The following AP2A2 variants were observed in gnomAD, a reference collection of about 807,000 sequenced individuals.
AP2A2 encodes the protein adaptor related protein complex 2 subunit alpha 2, also known as AP-2 complex subunit alpha-2.
AP2A2 carries 32 observed loss-of-function variants against 104.2 expected under a neutral mutation model. The ratio of observed to expected loss-of-function variants is 0.31; its 90% CI spans 0.23 to 0.41. AP2A2 has a LOEUF of 0.41. Ranked by LOEUF, AP2A2 falls within the 10% of genes least tolerant of loss-of-function variation. The pLI is 1.00. For synonymous variants in AP2A2, 539 were observed against 533.3 expected, an observed-to-expected ratio of 1.01 and a Z score of -0.15; for missense variants, 912 against 1,261.0, an observed-to-expected ratio of 0.72 and a Z score of 4.19.
In AP2A2 at chr11:1,009,923, C is replaced by T. The variant is rs1856363658; in HGVS notation, c.2742+106C>T. On this transcript the variant is annotated intron_variant, in intron 21 of 21. Coordinates refer to ENST00000448903, the MANE Select transcript of AP2A2 (RefSeq NM_012305.4). ...TTTAGTGCAGTTCAGTCAGTTTTGA[C>T]AGATGTTGTTTAACCACCACCCTGT... 11 of 1,388,790 alleles carry T rather than the reference C, an allele frequency of 7.9e-6. No homozygotes were observed. In the South Asian group the frequency reaches 1.3e-4, roughly 16 times the overall value. 86.0% of individuals were successfully genotyped at this position (1,388,790 alleles called of 1,614,324 possible). A position where few individuals can be genotyped will look rare whatever the true frequency, so the allele number is the denominator to read the frequency against.
chr11:991,799 G>T (rs1855665020), intron 10 of AP2A2, among the ~76,000 whole-genome samples: 1 of 152,074 alleles, frequency 6.6e-6, no homozygotes, highest in African/African-American at 2.4e-5. Flanking sequence ...GGGTATTAGG[G>T]GTGCCCTCGG....
At chr11:995,816 T>G (rs534604017) in intron 14 of AP2A2, among the ~76,000 whole-genome samples, 4 of 26,536 alleles carry the variant, frequency 1.5e-4, no homozygotes, top group Admixed American at 9.3e-4. Flanking sequence ...TCTGTGTTGT[T>G]TGTGGCACGC....
At chr11:1,004,380 G>A (rs550518046) in intron 16 of AP2A2, among the ~76,000 whole-genome samples, 4 of 152,270 alleles carry the variant, frequency 2.6e-5, no homozygotes, top group African/African-American at 9.6e-5. Flanking sequence ...GGCTGAGGCA[G>A]GAGAATCACT....
In AP2A2 at chr11:992,749, T is replaced by C; in HGVS notation, c.1452+64T>C. ...GCAGTTGCAGAAGGTGAGCAGTGAG[T>C]GGTTCCAGCCTGCCTGCGTGGAGGT... On this transcript the variant is annotated intron_variant, in intron 11 of 21. Transcript: ENST00000448903. The surrounding 1 kb of genome is among the most constrained non-coding windows in gnomAD (Gnocchi z 6.4). 1 of 1,587,726 alleles carries C rather than the reference T, an allele frequency of 6.3e-7. No individual in the cohort carries two copies. The highest frequency in any genetic ancestry group is 1.3e-5 in the African/African-American group (1 of 74,430).
chr11:928,824 C>A (rs1288012094), intron 1 of AP2A2, among the ~76,000 whole-genome samples: 1 of 152,132 alleles, frequency 6.6e-6, no homozygotes, highest in Non-Finnish European at 1.5e-5. Flanking sequence ...GTTGGATGGC[C>A]TCTCATCAGC....
chr11:955,262 C>T (rs531216443), intron 1 of AP2A2, among the ~76,000 whole-genome samples: 8 of 152,350 alleles, frequency 5.3e-5, no homozygotes, highest in Admixed American at 6.5e-5. Flanking sequence ...CTCACCCATG[C>T]GCAGTCCCAG....
intron 17 of AP2A2, chr11:1,007,756 C>CA: frequency 1.8e-6 from 1 of 568,538 alleles, no homozygotes; most frequent in East Asian, 3.1e-5. Flanking sequence ...AGAGTGAAAA[C>CA]AGACAAGTAG....
chr11:1,005,244 C>T (rs1856166942), intron 16 of AP2A2, among the ~76,000 whole-genome samples: 1 of 152,264 alleles, frequency 6.6e-6, no homozygotes, highest in Non-Finnish European at 1.5e-5. Flanking sequence ...GGCCAGACAC[C>T]TGGACAAATC....
chr11:944,550 TA>T (rs1372874538), intron 1 of AP2A2, among the ~76,000 whole-genome samples: 1 of 151,922 alleles, frequency 6.6e-6, no homozygotes, highest in Non-Finnish European at 1.5e-5. Flanking sequence ...AGATCGAAAA[TA>T]AACACGAAAT....
intron 4 of AP2A2, among the ~76,000 whole-genome samples, chr11:976,016 C>T (rs141540821): frequency 2.6e-5 from 4 of 152,322 alleles, no homozygotes; most frequent in African/African-American, 7.2e-5. Context: ...AGCATGGAAC[C>T]TGGTTGGCTC....
intron 1 of AP2A2, among the ~76,000 whole-genome samples, chr11:952,107 C>T (rs1171452070): frequency 2.0e-5 from 3 of 152,202 alleles, no homozygotes; most frequent in Non-Finnish European, 4.4e-5. Flanking sequence ...GGACTCAAAA[C>T]AGCCCTCCCA....
intron 6 of AP2A2, among the ~76,000 whole-genome samples, chr11:983,391 T>G (rs955624510): frequency 6.6e-6 from 1 of 151,272 alleles, no homozygotes; most frequent in African/African-American, 2.4e-5. Flanking sequence ...TTTATTTATT[T>G]ATTTATTTTG....
At chr11:1,000,743 T>G (rs1856005435) in intron 15 of AP2A2, 145 bp downstream of exon 15, 2 of 918,306 alleles carry the variant, frequency 2.2e-6, no homozygotes. Flanking sequence ...GGAGCTGCTG[T>G]GTTGTGGGTG....
Position 988,674 on chromosome 11 carries a change from C to T in AP2A2, c.1254C>T (p.Ser418=), listed in dbSNP as rs1368490508. 1 of 1,613,576 alleles carries T rather than the reference C, an allele frequency of 6.2e-7. No homozygotes were observed. Among genetic ancestry groups the T allele is most frequent in the Non-Finnish European group, 8.5e-7 (1 of 1,179,904 alleles). ...GCTATCTGGAGACAGCTGACTACTC[C>T]ATCCGAGAAGAGATTGTGAGTTCTG... is the stretch of plus-strand genomic sequence containing the variant. ...MLSYLETADY[S]IREEIVLKVA... Residue 418 remains serine (S), a synonymous_variant, in exon 10 of 22, where the codon TCC becomes TCT. Transcript: ENST00000448903.
rs373691095 is a variant in AP2A2 at position 929,942 on chromosome 11, G to T, written c.67+3854G>T. ...TTCAAGACCAGCCTAGCCAACATAG[G>T]GAAACACTGTTTCCACAAAAATACA... On this transcript the variant is annotated intron_variant, in intron 1 of 21. Coordinates refer to ENST00000448903, the MANE Select transcript of AP2A2 (RefSeq NM_012305.4). 7.0e-4 allele frequency among the ~76,000 whole-genome samples: 106 copies of T among 151,540 alleles called. No homozygotes were observed. The South Asian group carries it at 0.021, about 30-fold the overall frequency.
chr11:951,943 C>T (rs372246987), intron 1 of AP2A2, among the ~76,000 whole-genome samples: 65 of 148,336 alleles, frequency 4.4e-4, no homozygotes, highest in African/African-American at 1.6e-3. Context: ...TCCTGGCTCA[C>T]TGGAGTGTTG....
At position 992,062 on chromosome 11, in the gene AP2A2, G is replaced by A. The variant is rs1008741926; in HGVS notation, c.1270-441G>A. On this transcript the variant is annotated intron_variant, in intron 10 of 21. Coordinates refer to ENST00000448903, the MANE Select transcript of AP2A2 (RefSeq NM_012305.4). The surrounding 1 kb of genome is among the most constrained non-coding windows in gnomAD (Gnocchi z 6.4). ...CTCGCAGGAAAGACTGGCCAGAGCC[G>A]GAAGAAACCAGCAGAGAAGTGGCCG... Among the ~76,000 whole-genome samples, 28 of 152,184 alleles carry A rather than the reference G, an allele frequency of 1.8e-4. No individual in the cohort carries two copies. Among genetic ancestry groups the A allele is most frequent in the South Asian group, 2.1e-4 (1 of 4,834 alleles).
In AP2A2 at chr11:993,763, C is replaced by G. The variant is rs745871789; in HGVS notation, c.1560C>G (p.Ile520Met). 1.3e-6 allele frequency: 2 copies of G among 1,595,962 alleles called. No individual in the cohort carries two copies. Among genetic ancestry groups the G allele is most frequent in the East Asian group, 2.3e-5 (1 of 44,096 alleles). Residue 520 changes from isoleucine to methionine, a missense_variant, in exon 13 of 22, where the codon ATC (isoleucine) becomes ATG (methionine). Ile to Met is a conservative substitution (Grantham distance 10, BLOSUM62 1). Transcript: ENST00000448903. This position sits in a 1 kb window ranked among gnomAD's most constrained non-coding sequence, Gnocchi z 8.2. ...IAGDPRSSPL[I>M]QFHLLHSKFH... ...GCCTCCCCGTCCCCAGCCCGCTGAT[C>G]CAGTTCCACCTGCTGCACTCCAAGT... is the stretch of plus-strand genomic sequence containing the variant.
intron 14 of AP2A2, among the ~76,000 whole-genome samples, chr11:998,313 T>G (rs1372927376): frequency 3.2e-5 from 4 of 124,048 alleles, no homozygotes; most frequent in Non-Finnish European, 6.5e-5. Context: ...CAATCCCCAT[T>G]CTGACTCTCA....
Sources: gnomAD v4.1 joint callset for allele counts (sites outside exome capture counted in the v4.1 genomes callset) on GRCh38, gnomAD v4.1.1 for gene constraint, Gnocchi (gnomAD v3.1) non-coding constraint, MANE v1.5 for transcripts, NCBI Gene and HGNC (gene_info 2026-07-23, HGNC 2026-07-21) for gene names.